Variants in TDRD9 observed in about 807,000 individuals in gnomAD.
The protein encoded by TDRD9 is tudor domain containing 9, also known as ATP-dependent RNA helicase TDRD9.
Under a neutral mutation model 172.6 loss-of-function variants are expected in TDRD9, and 124 were observed. The observed-to-expected ratio is 0.72, with a 90% CI of 0.62 to 0.83. The LOEUF (loss-of-function observed/expected upper bound fraction) is 0.83. TDRD9 is among the 40% of genes least tolerant of loss of function. The pLI, the probability that TDRD9 is intolerant of heterozygous loss-of-function variation, is 0.00. For missense variants in TDRD9, 1,479 were observed against 1,714.1 expected, an observed-to-expected ratio of 0.86 and a Z score of 2.42; for synonymous variants, 619 against 617.1, an observed-to-expected ratio of 1.00 and a Z score of -0.05.
intron 11 of TDRD9, 100 bp downstream of exon 11, chr14:103,994,703 G>A (rs1469029070): frequency 2.1e-6 from 2 of 952,170 alleles, no homozygotes; most frequent in Non-Finnish European, 3.2e-6. Context: ...GCTCATGCGT[G>A]TGTTTCCAGC....
At chr14:104,006,282 A>T (rs1445424943) in intron 15 of TDRD9, 107 bp from the exon 16 acceptor site, 3 of 865,200 alleles carry the variant, frequency 3.5e-6, no homozygotes, top group Non-Finnish European at 5.4e-6. Flanking sequence ...TTAGAATGTT[A>T]TTCACCAAAA....
At chr14:104,031,026 C>A in intron 28 of TDRD9, 82 bp from the exon 29 acceptor site, 4 of 1,214,964 alleles carry the variant, frequency 3.3e-6, no homozygotes, top group South Asian at 1.4e-5. Context: ...TAACACTGTG[C>A]CTATGAAATA....
rs759942277 is a variant in TDRD9, at chr14:103,975,478, T to G, written c.936T>G (p.Ile312Met). 5.6e-6 allele frequency: 9 copies of G among 1,613,768 alleles called. No homozygotes were observed. In the Admixed American group the frequency reaches 1.5e-4, roughly 27 times the overall value. ...AAAACAAGATGAATCCTGCATATAT[T>G]TTTGAAGTGGAAGGCAAGCCCCATT... The part of the protein sequence containing the change: ...PVQNKMNPAY[I>M]FEVEGKPHSV... The change falls in exon 7 of 36, where the codon ATT (isoleucine) becomes ATG (methionine). Residue 312 changes from isoleucine to methionine, a missense_variant. Transcript: ENST00000409874.
intron 1 of TDRD9, among the ~76,000 whole-genome samples, chr14:103,946,503 C>T (rs577007727): frequency 1.4e-4 from 22 of 152,248 alleles, no homozygotes; most frequent in South Asian, 4.1e-4. Flanking sequence ...GTGAGGTTGC[C>T]GCCTTTCACC....
At chr14:104,046,551 G>T (rs1432689382) in intron 34 of TDRD9, among the ~76,000 whole-genome samples, 1 of 152,062 alleles carries the variant, frequency 6.6e-6, no homozygotes, top group Admixed American at 6.6e-5. Context: ...TTTATTACTG[G>T]GTTTTCTGTT....
chr14:103,994,740 C>G, intron 11 of TDRD9, 137 bp downstream of exon 11: 2 of 665,972 alleles, frequency 3.0e-6, no homozygotes, highest in Admixed American at 2.9e-5. Flanking sequence ...GTGGGTGAAT[C>G]ATTTGAGCTC....
At chr14:104,031,382 C>G in intron 29 of TDRD9, 119 bp downstream of exon 29, 1 of 805,936 alleles carries the variant, frequency 1.2e-6, no homozygotes, top group Non-Finnish European at 1.8e-6. Context: ...AATGCTGTTA[C>G]TTTTCTCACA....
At position 103,997,301 on chromosome 14, in the gene TDRD9, G is replaced by A. The variant is rs1367538060; in HGVS notation, c.1379-1323G>A. 6.6e-6 allele frequency among the ~76,000 whole-genome samples: 1 copy of A among 152,206 alleles called. No individual in the cohort carries two copies. Among genetic ancestry groups the A allele is most frequent in the Non-Finnish European group, 1.5e-5 (1 of 68,030 alleles). On this transcript the variant is annotated intron_variant, in intron 12 of 35. Transcript: ENST00000409874. The surrounding 1 kb of genome is among the most constrained non-coding windows in gnomAD (Gnocchi z 5.1). The stretch of plus-strand genomic sequence containing the variant: ...ACAGCAGCGGTAGGGGACAGGAGGT[G>A]GGGGTAGATCCCAGGGAGATTCTGA...
In TDRD9 at chr14:104,024,600, G is replaced by T. The variant is rs139960223; in HGVS notation, c.2638G>T (p.Asp880Tyr). The T allele has an allele frequency of 4.3e-5, 70 of 1,611,972 alleles. No homozygotes were observed. In the African/African-American group the frequency reaches 8.7e-4, roughly 20 times the overall value. The change falls in exon 25 of 36, where the codon GAT (aspartate) becomes TAT (tyrosine). Residue 880 changes from aspartate (D) to tyrosine (Y), a missense_variant. Physicochemically the swap from Asp to Tyr is radical, Grantham distance 160 (BLOSUM62 -3). Coordinates refer to ENST00000409874, the MANE Select transcript of TDRD9 (RefSeq NM_153046.3). ...TGTGGACTTCCAGAAGCAGACGGTAGATCCTATGCAAGTCTCCTTTAACAC... is the reference window on the plus strand; with the variant it reads ...TGTGGACTTCCAGAAGCAGACGGTATATCCTATGCAAGTCTCCTTTAACAC... ...VNVDFQKQTVDPMQVSFNTSD... is the reference protein window; with the variant it reads ...VNVDFQKQTVYPMQVSFNTSD...
chr14:103,967,764 T>A (rs1461364415), intron 5 of TDRD9, among the ~76,000 whole-genome samples: 1 of 152,196 alleles, frequency 6.6e-6, no homozygotes, highest in Non-Finnish European at 1.5e-5. Context: ...TAGGGTGATA[T>A]ATAATACGGT....
At chr14:103,957,064 A>G (rs2032284174) in intron 2 of TDRD9, among the ~76,000 whole-genome samples, 1 of 152,220 alleles carries the variant, frequency 6.6e-6, no homozygotes, top group Non-Finnish European at 1.5e-5. Context: ...ATAATAGTAG[A>G]TTAATCCTTA....
chr14:104,047,893 C>T (rs1416104489), intron 34 of TDRD9, among the ~76,000 whole-genome samples: 2 of 151,968 alleles, frequency 1.3e-5, no homozygotes, highest in African/African-American at 4.8e-5. Flanking sequence ...TGAGATTATC[C>T]CTGATTCATT....
At chr14:103,998,411 ACAC>A (rs1213068929) in intron 12 of TDRD9, among the ~76,000 whole-genome samples, 1 of 151,992 alleles carries the variant, frequency 6.6e-6, no homozygotes, top group Non-Finnish European at 1.5e-5. Flanking sequence ...TGCATTCTTT[ACAC>A]CTAGAGACTC....
chr14:103,935,854 A>G (rs1174359551), intron 1 of TDRD9, among the ~76,000 whole-genome samples: 2 of 152,196 alleles, frequency 1.3e-5, no homozygotes, highest in Admixed American at 1.3e-4. Context: ...TATTTTTCCC[A>G]CATAAGAACT....
rs60498436 is a variant in TDRD9 at position 104,000,329 on chromosome 14, CAAA to C, written c.1483+1621_1483+1623del. The stretch of plus-strand genomic sequence containing the variant: ...AGGTGACAGAATGAGAGCCCCGTCT[CAAA>C]AAAAAAAAAAAAAAAAAAAGTCACA... On this transcript the variant is annotated intron_variant, in intron 13 of 35. Coordinates refer to ENST00000409874, the MANE Select transcript of TDRD9 (RefSeq NM_153046.3). Among the ~76,000 whole-genome samples the C allele has an allele frequency of 8.2e-3, 1,052 of 127,846 alleles. 5 individuals carry two copies. The highest frequency in any genetic ancestry group is 0.012 in the Non-Finnish European group (762 of 62,144). 83.9% of individuals were successfully genotyped at this position (127,846 alleles called of 152,430 possible).
intron 5 of TDRD9, among the ~76,000 whole-genome samples, chr14:103,967,606 G>A (rs922489734): frequency 2.0e-5 from 3 of 152,162 alleles, no homozygotes; most frequent in South Asian, 2.1e-4. Flanking sequence ...TTTGATGCAT[G>A]GGATAACGAA....
chr14:103,956,740 C>A (rs1057170446), intron 2 of TDRD9, among the ~76,000 whole-genome samples: 1 of 152,112 alleles, frequency 6.6e-6, no homozygotes, highest in East Asian at 1.9e-4. Context: ...AGTAAAAGGT[C>A]CTTCTTAAAT....
chr14:103,946,864 T>C (rs1231931129), intron 1 of TDRD9, among the ~76,000 whole-genome samples: 1 of 152,216 alleles, frequency 6.6e-6, no homozygotes, highest in Non-Finnish European at 1.5e-5. Flanking sequence ...CAATGAGAAG[T>C]GCAAAACATT....
chr14:103,979,362 G>C (rs144392582), intron 7 of TDRD9, among the ~76,000 whole-genome samples: 46 of 152,260 alleles, frequency 3.0e-4, no homozygotes, highest in African/African-American at 1.1e-3. Flanking sequence ...ACCTCAGTCT[G>C]GGTAATTTAT....
Sources: gnomAD v4.1 joint callset for allele counts (sites outside exome capture counted in the v4.1 genomes callset) on GRCh38, gnomAD v4.1.1 for gene constraint, Gnocchi (gnomAD v3.1) non-coding constraint, MANE v1.5 for transcripts, NCBI Gene and HGNC (gene_info 2026-07-23, HGNC 2026-07-21) for gene names.